The following NCAM1 variants were observed in gnomAD, a reference collection of about 807,000 sequenced individuals.
NCAM1 encodes the protein neural cell adhesion molecule 1.
Under a neutral mutation model 109.8 loss-of-function variants are expected in NCAM1, and 14 were observed. The ratio of observed to expected loss-of-function variants is 0.13; its 90% CI spans 0.08 to 0.20. The LOEUF is 0.20. Among genes scored for constraint, NCAM1 ranks in the 10% least tolerant of loss-of-function variants. The pLI, the probability that NCAM1 is intolerant of heterozygous loss-of-function variation, is 1.00. For missense variants in NCAM1, 774 were observed against 1,109.9 expected, an observed-to-expected ratio of 0.70 and a Z score of 4.30; for synonymous variants, 418 against 442.9, an observed-to-expected ratio of 0.94 and a Z score of 0.70.
intron 1 of NCAM1, among the ~76,000 whole-genome samples, chr11:113,054,004 T>G (rs1460048083): frequency 6.6e-6 from 1 of 152,216 alleles, no homozygotes; most frequent in African/African-American, 2.4e-5. Flanking sequence ...ACTGTTTGTC[T>G]CCAACTCTGG....
chr11:112,961,555 G>GA lies in NCAM1; in HGVS notation c.-58_-57insA. 2.8e-6 allele frequency: 2 copies of GA among 712,204 alleles called. No homozygotes were observed. The highest frequency in any genetic ancestry group is 4.5e-6 in the Non-Finnish European group (2 of 444,408). 44.1% of individuals were successfully genotyped at this position (712,204 alleles called of 1,614,324 possible). ...TCAGCCGCCGTCCACACTCGCTGCA[G>GA]GGGGGGGGGCACAGAATTTACCGCG... On this transcript the variant is annotated 5_prime_UTR_variant, in exon 1 of 20. Transcript: ENST00000316851.
chr11:113,254,521 G>A (rs1945786652), intron 15 of NCAM1, among the ~76,000 whole-genome samples: 1 of 152,234 alleles, frequency 6.6e-6, no homozygotes, highest in Admixed American at 6.5e-5. Context: ...ATGATGATAA[G>A]TAGTGGGCTC....
intron 1 of NCAM1, among the ~76,000 whole-genome samples, chr11:112,991,024 C>T (rs781845175): frequency 3.9e-5 from 6 of 152,158 alleles, no homozygotes; most frequent in Non-Finnish European, 7.3e-5. Context: ...ATCTGTTCCA[C>T]CATCTTACCG....
intron 1 of NCAM1, among the ~76,000 whole-genome samples, chr11:113,024,293 C>G (rs782525929): frequency 6.6e-6 from 1 of 152,106 alleles, no homozygotes; most frequent in African/African-American, 2.4e-5. Context: ...TGAACTTTAG[C>G]GAAAATTTGG....
At chr11:113,127,621 A>T (rs1331080059) in intron 1 of NCAM1, among the ~76,000 whole-genome samples, 1 of 152,190 alleles carries the variant, frequency 6.6e-6, no homozygotes, top group African/African-American at 2.4e-5. Flanking sequence ...AGAGGATAGA[A>T]ATTTTTAAAA....
chr11:113,028,020 A>AT (rs1461094585), intron 1 of NCAM1, among the ~76,000 whole-genome samples: 1 of 152,230 alleles, frequency 6.6e-6, no homozygotes, highest in Non-Finnish European at 1.5e-5. Context: ...AGAGAATAGA[A>AT]TAGCGGTTAC....
rs1946292511 is a variant in NCAM1 at position 113,271,982 on chromosome 11, C to T, written c.2456+106C>T. 19 of 740,670 alleles carry T rather than the reference C, an allele frequency of 2.6e-5. No individual in the cohort carries two copies. In the South Asian group the frequency reaches 3.5e-4, roughly 14 times the overall value. 45.9% of individuals were successfully genotyped at this position (740,670 alleles called of 1,614,324 possible). ...CCCCTACCCACAGCTCCCGGCCAAACAGTTCAGGCCAGGATTCCAAACCCT... is the reference window on the plus strand; with the variant it reads ...CCCCTACCCACAGCTCCCGGCCAAATAGTTCAGGCCAGGATTCCAAACCCT... On this transcript the variant is annotated intron_variant, in intron 19 of 19. Transcript: ENST00000316851.
At position 113,207,863 on chromosome 11, in the gene NCAM1, C is replaced by T. The variant is rs372281288; in HGVS notation, c.777C>T (p.Asp259=). 2.9e-5 allele frequency: 47 copies of T among 1,611,264 alleles called. No homozygotes were observed. Among genetic ancestry groups the T allele is most frequent in the Admixed American group, 6.7e-5 (4 of 59,702 alleles). ...KDGEQIEQEE[D]DEKYIFSDDS... ...GGGAACAGATAGAGCAAGAGGAAGA[C>T]GATGAGAAGTACATCTTCAGCGACG... The change falls in exon 7 of 20, where the codon GAC becomes GAT. Residue 259 remains aspartate (D), a synonymous_variant. Transcript: ENST00000316851.
chr11:113,150,886 C>G lies in NCAM1; in HGVS notation c.53-51493C>G, dbSNP rs148090980. Among the ~76,000 whole-genome samples the G allele has an allele frequency of 1.9e-4, 29 of 152,282 alleles. 1 individual carries two copies. The highest frequency in any genetic ancestry group is 7.0e-4 in the African/African-American group (29 of 41,570). ...AGCTGGGCAAGGAGGAAGGGATGAT[C>G]AAAGCCTCATCCTGATTGTCCACAT... On this transcript the variant is annotated intron_variant, in intron 1 of 19. Coordinates refer to ENST00000316851, the MANE Select transcript of NCAM1 (RefSeq NM_181351.5).
chr11:113,195,910 GGTGTGTGTGTGTGTGT>G (rs58873545), intron 1 of NCAM1, among the ~76,000 whole-genome samples: 1 of 148,400 alleles, frequency 6.7e-6, no homozygotes, highest in African/African-American at 2.5e-5. Flanking sequence ...TTGTTTGCAG[GGTGTGTGTGTGTGTGT>G]GTGTGTGTGT....
In NCAM1 at chr11:112,961,643, T is replaced by G; in HGVS notation, c.31T>G (p.Leu11Val). Residue 11 changes from leucine (L) to valine (V), a missense_variant, in exon 1 of 20, where the codon TTG becomes GTG. Leu to Val is a conservative substitution (Grantham distance 32, BLOSUM62 1). Coordinates refer to ENST00000316851, the MANE Select transcript of NCAM1 (RefSeq NM_181351.5). ...GCAAACTAAGGATCTCATCTGGACT[T>G]TGTTTTTCCTGGGAACTGCAGGTAC... is the stretch of plus-strand genomic sequence containing the variant. The part of the protein sequence containing the change: MLQTKDLIWT[L>V]FFLGTAVSLQ... 1 of 1,500,564 alleles carries G rather than the reference T, an allele frequency of 6.7e-7. No homozygotes were observed. The highest frequency in any genetic ancestry group is 2.3e-5 in the East Asian group (1 of 44,044). The allele number at this position is 1,500,564 out of a possible 1,614,324, so 93.0% of individuals were successfully genotyped here.
At chr11:113,011,407 A>G (rs1034873002) in intron 1 of NCAM1, among the ~76,000 whole-genome samples, 14 of 152,144 alleles carry the variant, frequency 9.2e-5, no homozygotes, top group Non-Finnish European at 1.6e-4. Context: ...ATTGTGAATA[A>G]TGCCGCAATA....
intron 1 of NCAM1, among the ~76,000 whole-genome samples, chr11:113,159,201 T>A (rs978204171): frequency 7.2e-5 from 11 of 152,140 alleles, no homozygotes; most frequent in South Asian, 2.1e-4. Context: ...CAAGATAATT[T>A]AAAAAAAACT....
intron 14 of NCAM1, among the ~76,000 whole-genome samples, chr11:113,243,377 A>G (rs1945399085): frequency 6.6e-6 from 1 of 152,146 alleles, no homozygotes; most frequent in Admixed American, 6.5e-5. Flanking sequence ...CAGGGGAAGG[A>G]GAGAGCTCCT....
At chr11:113,150,052 C>T (rs1555102152) in intron 1 of NCAM1, among the ~76,000 whole-genome samples, 2 of 152,124 alleles carry the variant, frequency 1.3e-5, no homozygotes, top group African/African-American at 4.8e-5. Context: ...CAGCAGTGTA[C>T]TCCATTTGTC....
intron 1 of NCAM1, among the ~76,000 whole-genome samples, chr11:112,966,634 G>A (rs1950735424): frequency 1.3e-5 from 2 of 152,228 alleles, no homozygotes; most frequent in African/African-American, 4.8e-5. Context: ...CTGATGTAAA[G>A]GGATGTAAAT....
chr11:113,053,233 G>T (rs1953573472), intron 1 of NCAM1, among the ~76,000 whole-genome samples: 2 of 152,124 alleles, frequency 1.3e-5, no homozygotes, highest in African/African-American at 4.8e-5. Context: ...CAAAGGACAT[G>T]ATCTCATTCC....
At chr11:113,219,158 T>C (rs536633258) in intron 8 of NCAM1, among the ~76,000 whole-genome samples, 7 of 152,292 alleles carry the variant, frequency 4.6e-5, no homozygotes, top group East Asian at 1.9e-4. Flanking sequence ...TCAGAAGAGA[T>C]AGGAAAAATG....
At chr11:112,981,603 G>A (rs1951156192) in intron 1 of NCAM1, among the ~76,000 whole-genome samples, 1 of 151,724 alleles carries the variant, frequency 6.6e-6, no homozygotes, top group East Asian at 1.9e-4. Flanking sequence ...CTTTACTAGT[G>A]GTCTTGAGCT....
Sources: gnomAD v4.1 joint callset for allele counts (sites outside exome capture counted in the v4.1 genomes callset) on GRCh38, gnomAD v4.1.1 for gene constraint, MANE v1.5 for transcripts, NCBI Gene and HGNC (gene_info 2026-07-23, HGNC 2026-07-21) for gene names.